The following NLK variants were observed in gnomAD, a reference collection of about 807,000 sequenced individuals.
The protein encoded by NLK is nemo like kinase.
In NLK, 11 loss-of-function variants were observed where a neutral mutation model predicts 59.0. The observed-to-expected ratio is 0.19, with a 90% confidence interval of 0.12 to 0.31. The LOEUF (loss-of-function observed/expected upper bound fraction) is 0.31, where lower values mean the gene tolerates loss of function less well. NLK is among the 10% of genes least tolerant of loss of function. The probability of loss-of-function intolerance (pLI) is 1.00; values close to 1 mark genes in which losing one functional copy is unlikely to be tolerated. For missense variants in NLK, 410 were observed against 661.1 expected (o/e 0.62, Z 4.16); for synonymous variants, 235 against 235.9 (o/e 1.00, Z 0.03).
chr17:28,141,333 A>G (rs1208243547), intron 3 of NLK, among the ~76,000 whole-genome samples: 3 of 152,124 alleles, frequency 2.0e-5, no homozygotes, highest in Non-Finnish European at 4.4e-5. Flanking sequence ...TTCTTTTAGT[A>G]ACTTTGTCTT....
chr17:28,054,649 G>A (rs1181356942), intron 1 of NLK, among the ~76,000 whole-genome samples: 1 of 152,170 alleles, frequency 6.6e-6, no homozygotes, highest in Admixed American at 6.5e-5. Flanking sequence ...ATAATTTTAA[G>A]CTAGTAAAAG....
intron 3 of NLK, among the ~76,000 whole-genome samples, chr17:28,137,967 A>G (rs1432918396): frequency 6.6e-6 from 1 of 152,138 alleles, no homozygotes; most frequent in Non-Finnish European, 1.5e-5. Context: ...AGCTGATGTT[A>G]GCTTTTAAAG....
rs920866955 is a variant in NLK at position 28,179,280 on chromosome 17, C to T, written c.1150-5899C>T. Among the ~76,000 whole-genome samples the T allele has an allele frequency of 9.2e-5, 14 of 152,148 alleles. 1 individual carries two copies. The East Asian group carries it at 2.1e-3, about 23-fold the overall frequency. On this transcript the variant is annotated intron_variant, in intron 7 of 10. Coordinates refer to ENST00000407008, the MANE Select transcript of NLK (RefSeq NM_016231.5). ...CTTTTGAGACAGGGTCTCGCTCTGTCACCCAGACTAGAGTGCATAGCTCAC... is the reference window on the plus strand; with the variant it reads ...CTTTTGAGACAGGGTCTCGCTCTGTTACCCAGACTAGAGTGCATAGCTCAC...
chr17:28,097,771 T>G (rs1904754182), intron 1 of NLK, among the ~76,000 whole-genome samples: 1 of 152,196 alleles, frequency 6.6e-6, no homozygotes. Flanking sequence ...GACTCTAAGT[T>G]TTAGCAACTA....
At chr17:28,182,592 T>C (rs1203804403) in intron 7 of NLK, among the ~76,000 whole-genome samples, 1 of 152,164 alleles carries the variant, frequency 6.6e-6, no homozygotes, top group Non-Finnish European at 1.5e-5. Flanking sequence ...GGAAATTTAT[T>C]TAAGAGTTTG....
rs113767300 is a variant in NLK, at chr17:28,064,862, T to C, written c.458+21531T>C. Among the ~76,000 whole-genome samples, 419 of 152,362 alleles carry C rather than the reference T, an allele frequency of 2.8e-3. 4 individuals carry two copies. Among genetic ancestry groups the C allele is most frequent in the African/African-American group, 9.3e-3 (387 of 41,594 alleles). On this transcript the variant is annotated intron_variant, in intron 1 of 10. Transcript: ENST00000407008. The stretch of plus-strand genomic sequence containing the variant: ...TTATAATGGTACCTATCTTAGGTTC[T>C]TATGAAAATTAAATGTGATAATGTG...
chr17:28,072,445 C>T (rs192524911), intron 1 of NLK, among the ~76,000 whole-genome samples: 41 of 151,848 alleles, frequency 2.7e-4, no homozygotes, highest in Non-Finnish European at 4.6e-4. Flanking sequence ...CCAACTTCAG[C>T]CTCCCAAGGG....
intron 2 of NLK, among the ~76,000 whole-genome samples, chr17:28,125,153 G>A (rs909409806): frequency 6.6e-6 from 1 of 152,182 alleles, no homozygotes; most frequent in African/African-American, 2.4e-5. Flanking sequence ...ATAATAAGCT[G>A]CTGTTTGTCT....
At chr17:28,178,664 A>G (rs2142063159) in intron 7 of NLK, among the ~76,000 whole-genome samples, 1 of 152,322 alleles carries the variant, frequency 6.6e-6, no homozygotes, top group Middle Eastern at 3.4e-3. Context: ...CGAAGTGAAG[A>G]TAGTCCTGTC....
intron 3 of NLK, among the ~76,000 whole-genome samples, chr17:28,142,755 G>T (rs1455857906): frequency 6.6e-6 from 1 of 152,080 alleles, no homozygotes; most frequent in Non-Finnish European, 1.5e-5. Context: ...ATTTTATTAA[G>T]TCTCACACAT....
intron 7 of NLK, among the ~76,000 whole-genome samples, chr17:28,173,073 G>T (rs993451024): frequency 2.6e-5 from 4 of 152,206 alleles, no homozygotes; most frequent in African/African-American, 7.2e-5. Flanking sequence ...TGTTAGAAAA[G>T]AAGTATGAAG....
At chr17:28,122,386 T>A (rs1402255610) in intron 1 of NLK, among the ~76,000 whole-genome samples, 1 of 151,946 alleles carries the variant, frequency 6.6e-6, no homozygotes, top group African/African-American at 2.4e-5. Flanking sequence ...TTTTTTTTTT[T>A]AAAGCATGGC....
intron 1 of NLK, among the ~76,000 whole-genome samples, chr17:28,061,502 G>T (rs1023610826): frequency 2.6e-5 from 4 of 152,074 alleles, no homozygotes; most frequent in African/African-American, 9.7e-5. Flanking sequence ...TCAGCTGTAA[G>T]ACACTTCATG....
intron 5 of NLK, among the ~76,000 whole-genome samples, chr17:28,167,801 C>T (rs1908301928): frequency 6.6e-6 from 1 of 151,896 alleles, no homozygotes; most frequent in East Asian, 1.9e-4. Flanking sequence ...CCACTGCACT[C>T]CAGCCAGGGA....
At chr17:28,120,494 A>G (rs1905997770) in intron 1 of NLK, among the ~76,000 whole-genome samples, 1 of 152,036 alleles carries the variant, frequency 6.6e-6, no homozygotes, top group Non-Finnish European at 1.5e-5. Context: ...AAAACTCAAA[A>G]TTGCCTGTAG....
chr17:28,096,432 A>C (rs1368442351), intron 1 of NLK, among the ~76,000 whole-genome samples: 3 of 152,224 alleles, frequency 2.0e-5, no homozygotes, highest in Non-Finnish European at 4.4e-5. Flanking sequence ...GTTTTCAAAA[A>C]TGAAGTGTTC....
At chr17:28,180,759 A>G (rs549180762) in intron 7 of NLK, among the ~76,000 whole-genome samples, 1 of 152,226 alleles carries the variant, frequency 6.6e-6, no homozygotes, top group Admixed American at 6.5e-5. Context: ...ACAGGCTAGT[A>G]AAAAAGAAGA....
In NLK at chr17:28,043,108, G is replaced by A. The variant is rs1908925493; in HGVS notation, c.235G>A (p.Ala79Thr). The A allele has an allele frequency of 6.3e-7, 1 of 1,590,212 alleles. No homozygotes were observed. Among genetic ancestry groups the A allele is most frequent in the East Asian group, 2.3e-5 (1 of 43,486 alleles). The change falls in exon 1 of 11, where the codon GCT becomes ACT. Residue 79 changes from alanine to threonine, a missense_variant. By Grantham distance (58) the Ala-to-Thr change is moderately conservative. Coordinates refer to ENST00000407008, the MANE Select transcript of NLK (RefSeq NM_016231.5). ...GGCAGCTGCGGCAGCCGCAGCAGCGGCTGCAGCTGCAGCCATGTTAAACCC... is the reference window on the plus strand; with the variant it reads ...GGCAGCTGCGGCAGCCGCAGCAGCGACTGCAGCTGCAGCCATGTTAAACCC... The part of the protein sequence containing the change: ...SSAAAAAAAA[A>T]AAAAMLNPGQ...
downstream of NLK, among the ~76,000 whole-genome samples, chr17:28,199,706 AAC>A (rs1909580794): frequency 6.6e-6 from 1 of 150,886 alleles, no homozygotes; most frequent in Non-Finnish European, 1.5e-5. Context: ...AAAAAAAAAA[AAC>A]AACTAGATAA....
Sources: allele counts gnomAD v4.1 joint callset (sites outside exome capture counted in the v4.1 genomes callset), GRCh38; gene constraint gnomAD v4.1.1; transcripts MANE v1.5; gene names NCBI Gene and HGNC (gene_info 2026-07-23, HGNC 2026-07-21).